Variants in ADK observed in about 807,000 individuals in gnomAD.
The protein encoded by ADK is adenosine kinase.
In ADK, 24 loss-of-function variants were observed where a neutral mutation model predicts 44.7. That is an observed-to-expected ratio of 0.54 (90% CI 0.39 to 0.76). The LOEUF (loss-of-function observed/expected upper bound fraction) is 0.76. Among genes scored for constraint, ADK ranks in the 30% least tolerant of loss-of-function variants. ADK has a pLI of 0.00. For missense variants in ADK, 321 were observed against 425.1 expected (o/e 0.76, Z 2.15); for synonymous variants, 128 against 142.6 (o/e 0.90, Z 0.73).
At chr10:74,669,550 A>G (rs558531780) in intron 9 of ADK, among the ~76,000 whole-genome samples, 2 of 152,336 alleles carry the variant, frequency 1.3e-5, no homozygotes, top group East Asian at 3.9e-4. Flanking sequence ...CCATGCATTC[A>G]GTTGTAGCTT....
chr10:74,635,354 G>A (rs75754292), intron 9 of ADK, among the ~76,000 whole-genome samples: 1,808 of 152,252 alleles, frequency 0.012, 10 homozygotes, highest in Middle Eastern at 0.024. Flanking sequence ...TGTCAACCCA[G>A]AATTCTATCT....
chr10:74,399,284 T>C (rs555789533), intron 6 of ADK, among the ~76,000 whole-genome samples: 9 of 149,978 alleles, frequency 6.0e-5, no homozygotes, highest in African/African-American at 2.2e-4. Flanking sequence ...ATGTAATATA[T>C]GGTTTTGGTA....
chr10:74,395,223 T>G (rs967426951), intron 5 of ADK, among the ~76,000 whole-genome samples: 2 of 152,174 alleles, frequency 1.3e-5, no homozygotes, highest in Admixed American at 6.5e-5. Flanking sequence ...CTTCTCTTCC[T>G]TTCTTTTTTT....
chr10:74,273,380 G>A (rs1286244251), intron 3 of ADK, among the ~76,000 whole-genome samples: 1 of 152,106 alleles, frequency 6.6e-6, no homozygotes, highest in Non-Finnish European at 1.5e-5. Flanking sequence ...CAGGTTGCTT[G>A]AGGCTTTGTT....
At chr10:74,662,516 A>G (rs1373228897) in intron 9 of ADK, among the ~76,000 whole-genome samples, 1 of 152,124 alleles carries the variant, frequency 6.6e-6, no homozygotes, top group East Asian at 1.9e-4. Context: ...CCTGGGCTCA[A>G]CCAGTCCTCC....
intron 4 of ADK, among the ~76,000 whole-genome samples, chr10:74,356,873 A>G (rs1842164092): frequency 6.6e-6 from 1 of 152,206 alleles, no homozygotes; most frequent in Admixed American, 6.5e-5. Flanking sequence ...ATTTCAGGAC[A>G]GTAAAACTAC....
At chr10:74,519,819 G>A (rs1303707868) in intron 6 of ADK, among the ~76,000 whole-genome samples, 1 of 151,660 alleles carries the variant, frequency 6.6e-6, no homozygotes, top group Non-Finnish European at 1.5e-5. Flanking sequence ...TTTCTTTGTG[G>A]ACTAAAGATA....
chr10:74,314,111 A>G (rs534852574), intron 3 of ADK, among the ~76,000 whole-genome samples: 2 of 152,030 alleles, frequency 1.3e-5, no homozygotes, highest in Non-Finnish European at 2.9e-5. Flanking sequence ...TACATAAAAC[A>G]TATTTTTTGA....
At chr10:74,291,191 C>T (rs757032870) in intron 3 of ADK, among the ~76,000 whole-genome samples, 7 of 151,976 alleles carry the variant, frequency 4.6e-5, no homozygotes, top group Admixed American at 2.6e-4. Context: ...CTGAGGTGGG[C>T]GGATCACGAG....
intron 7 of ADK, among the ~76,000 whole-genome samples, chr10:74,580,225 T>C (rs950610845): frequency 6.6e-6 from 1 of 152,178 alleles, no homozygotes; most frequent in Admixed American, 6.6e-5. Context: ...GAGCAAGTCT[T>C]TCCCATCCTA....
intron 4 of ADK, among the ~76,000 whole-genome samples, chr10:74,330,957 T>A (rs1841196205): frequency 6.6e-6 from 1 of 152,202 alleles, no homozygotes; most frequent in South Asian, 2.1e-4. Flanking sequence ...TAAAATAACT[T>A]TCAGACATTG....
At chr10:74,352,779 C>T (rs1842007273) in intron 4 of ADK, among the ~76,000 whole-genome samples, 1 of 152,208 alleles carries the variant, frequency 6.6e-6, no homozygotes, top group Admixed American at 6.5e-5. Flanking sequence ...GGACACTTCT[C>T]AAAAGAAGAC....
chr10:74,614,752 C>T (rs1413694899), intron 9 of ADK, among the ~76,000 whole-genome samples: 1 of 151,218 alleles, frequency 6.6e-6, no homozygotes, highest in Non-Finnish European at 1.5e-5. Flanking sequence ...GTCCTATAAT[C>T]AACTATTTCT....
intron 10 of ADK, among the ~76,000 whole-genome samples, chr10:74,672,381 C>A (rs1855222757): frequency 6.6e-6 from 1 of 152,196 alleles, no homozygotes; most frequent in Non-Finnish European, 1.5e-5. Flanking sequence ...AGTTGGCCTA[C>A]AGACTATAGT....
chr10:74,427,531 A>C (rs993899219), intron 6 of ADK, among the ~76,000 whole-genome samples: 1 of 152,102 alleles, frequency 6.6e-6, no homozygotes, highest in Non-Finnish European at 1.5e-5. Context: ...GGCAAACTAA[A>C]TCAGAGACTA....
intron 4 of ADK, among the ~76,000 whole-genome samples, chr10:74,382,407 C>G (rs1486150281): frequency 6.6e-6 from 1 of 152,102 alleles, no homozygotes; most frequent in Non-Finnish European, 1.5e-5. Context: ...CCCTTTCTCA[C>G]CGTTTTGTCC....
chr10:74,162,519 TTTTGTGTGTG>T (rs1841931669), intron 1 of ADK, among the ~76,000 whole-genome samples: 1 of 117,884 alleles, frequency 8.5e-6, no homozygotes, highest in South Asian at 3.0e-4. Flanking sequence ...ATTGCATTTC[TTTTGTGTGTG>T]TGTGTGTGTG....
chr10:74,396,945 C>T (rs531899348), intron 5 of ADK, among the ~76,000 whole-genome samples: 8 of 147,944 alleles, frequency 5.4e-5, no homozygotes, highest in African/African-American at 1.0e-4. Flanking sequence ...GCAACAAGAA[C>T]GAAACTTCAT....
intron 7 of ADK, among the ~76,000 whole-genome samples, chr10:74,569,921 T>C (rs1407722368): frequency 6.6e-6 from 1 of 152,216 alleles, no homozygotes; most frequent in Non-Finnish European, 1.5e-5. Context: ...AACATTTAAG[T>C]CTTTAATCCA....
Sources: allele counts gnomAD v4.1 joint callset (sites outside exome capture counted in the v4.1 genomes callset), GRCh38; gene constraint gnomAD v4.1.1; transcripts MANE v1.5; gene names NCBI Gene and HGNC (gene_info 2026-07-23, HGNC 2026-07-21).